Variants in ZFAND1 observed in about 807,000 individuals in gnomAD.
The protein encoded by ZFAND1 is AN1-type zinc finger protein 1.
ZFAND1 carries 40 observed loss-of-function variants against 38.5 expected under a neutral mutation model. The observed-to-expected ratio is 1.04, with a 90% CI of 0.81 to 1.35. The LOEUF (loss-of-function observed/expected upper bound fraction) is 1.35. Ranked by LOEUF, ZFAND1 falls within the 40% of genes most tolerant of loss-of-function variation. The pLI is 0.00. For missense variants in ZFAND1, 346 were observed against 316.3 expected, an observed-to-expected ratio of 1.09 and a Z score of -0.71; for synonymous variants, 117 against 103.6, an observed-to-expected ratio of 1.13 and a Z score of -0.78.
chr8:81,721,192 C>T (rs1250124849), intron 1 of ZFAND1, 35 bp downstream of exon 1: 2 of 1,545,068 alleles, frequency 1.3e-6, no homozygotes, highest in East Asian at 2.4e-5. Flanking sequence ...TGGTCTCCCG[C>T]GGCCGGGGAT....
At chr8:81,718,089 A>T in intron 2 of ZFAND1, 93 bp downstream of exon 2, 10 of 1,021,044 alleles carry the variant, frequency 9.8e-6, no homozygotes, top group Non-Finnish European at 1.4e-5. Context: ...GGCTAAAGTA[A>T]CAATTATTTT....
chr8:81,716,390 TTC>T (rs1808312053), intron 3 of ZFAND1, among the ~76,000 whole-genome samples: 1 of 152,220 alleles, frequency 6.6e-6, no homozygotes, highest in South Asian at 2.1e-4. Flanking sequence ...AACTTCATCA[TTC>T]AACTTATCTT....
chr8:81,717,045 T>C (rs1808336717), intron 3 of ZFAND1, among the ~76,000 whole-genome samples: 1 of 152,114 alleles, frequency 6.6e-6, no homozygotes, highest in African/African-American at 2.4e-5. Context: ...ATTATGAGGA[T>C]AAAAATTTAC....
intron 3 of ZFAND1, 107 bp from the exon 4 acceptor site, chr8:81,715,221 G>C (rs1312989617): frequency 8.7e-7 from 1 of 1,152,562 alleles, no homozygotes; most frequent in African/African-American, 1.5e-5. Flanking sequence ...AAACTTATTA[G>C]AGCAAGTTAC....
intron 6 of ZFAND1, 66 bp downstream of exon 6, chr8:81,713,852 A>C: frequency 6.7e-7 from 1 of 1,493,560 alleles, no homozygotes; most frequent in Non-Finnish European, 9.3e-7. Flanking sequence ...GATGGGAAGG[A>C]GGAATACAAA....
chr8:81,719,411 G>T (rs1227483599), intron 1 of ZFAND1, among the ~76,000 whole-genome samples: 1 of 150,676 alleles, frequency 6.6e-6, no homozygotes, highest in African/African-American at 2.5e-5. Flanking sequence ...AGAGGCTGAG[G>T]CAGGAGAATC....
rs1807834573 is a variant in ZFAND1 at position 81,702,349 on chromosome 8, T to G, written c.*346A>C. 6.2e-6 allele frequency: 1 copy of G among 160,220 alleles called. No homozygotes were observed. The highest frequency in any genetic ancestry group is 1.4e-5 in the Non-Finnish European group (1 of 73,952). The allele number at this position is 160,220 out of a possible 1,614,324, so 9.9% of individuals were successfully genotyped here. A position where few individuals can be genotyped will look rare whatever the true frequency, so the allele number is the denominator to read the frequency against. On this transcript the variant is annotated 3_prime_UTR_variant, in exon 8 of 8. Coordinates refer to ENST00000220669, the MANE Select transcript of ZFAND1 (RefSeq NM_024699.3). ...ATCACAATGTCCCAAAAGAGATCCCTTCCTTTGCCTTTGATCATGGTAAGA... is the reference window on the plus strand; with the variant it reads ...ATCACAATGTCCCAAAAGAGATCCCGTCCTTTGCCTTTGATCATGGTAAGA...
chr8:81,702,693 G>A lies in ZFAND1; in HGVS notation c.*2C>T, dbSNP rs762812128. ...TGATTTCTGACTTGAATCTTTGAAT[G>A]ACTATTCCAAGTAAGATTCAACATT... On this transcript the variant is annotated 3_prime_UTR_variant, in exon 8 of 8. Transcript: ENST00000220669. The A allele has an allele frequency of 1.1e-5, 16 of 1,498,592 alleles. No homozygotes were observed. The South Asian group carries it at 1.9e-4, about 17-fold the overall frequency. The allele number at this position is 1,498,592 out of a possible 1,614,324, so 92.8% of individuals were successfully genotyped here.
At chr8:81,713,315 G>A (rs1214805623) in intron 6 of ZFAND1, among the ~76,000 whole-genome samples, 2 of 152,056 alleles carry the variant, frequency 1.3e-5, no homozygotes, top group African/African-American at 4.8e-5. Context: ...AGTAGAGATG[G>A]GGTTTCACCG....
intron 6 of ZFAND1, among the ~76,000 whole-genome samples, chr8:81,703,848 T>C (rs1807886754): frequency 6.6e-6 from 1 of 152,168 alleles, no homozygotes; most frequent in African/African-American, 2.4e-5. Context: ...ATGAGGTCAA[T>C]GTAGAAAGAG....
At position 81,714,842 on chromosome 8, in the gene ZFAND1, C is replaced by G. The variant is rs749744177; in HGVS notation, c.320G>C (p.Arg107Pro). The change falls in exon 5 of 8, where the codon CGA (arginine) becomes CCA (proline). Residue 107 changes from arginine to proline, a missense_variant. Physicochemically the swap from Arg to Pro is moderately radical, Grantham distance 103. Transcript: ENST00000220669. The stretch of plus-strand genomic sequence containing the variant: ...AACAAGTTTCTGAGTGGCAGCCATT[C>G]GAGGCTTTGGGATTTCCAGTTTTTC... Reference protein sequence around the residue: ...ECEKLEIPKPRMAATQKLVKD... With the variant: ...ECEKLEIPKPPMAATQKLVKD... 1.2e-5 allele frequency: 19 copies of G among 1,613,892 alleles called. No homozygotes were observed. Among genetic ancestry groups the G allele is most frequent in the Non-Finnish European group, 1.6e-5 (19 of 1,179,940 alleles).
intron 1 of ZFAND1, among the ~76,000 whole-genome samples, chr8:81,719,996 C>T (rs1291720640): frequency 6.6e-5 from 10 of 152,116 alleles, no homozygotes; most frequent in Non-Finnish European, 1.2e-4. Flanking sequence ...GTAACAAGAA[C>T]CTAGAAGGGA....
In ZFAND1 at chr8:81,702,591, A is replaced by G. The variant is rs924604816; in HGVS notation, c.*104T>C. 2.7e-5 allele frequency: 28 copies of G among 1,022,356 alleles called. No homozygotes were observed. Among genetic ancestry groups the G allele is most frequent in the Non-Finnish European group, 3.5e-5 (27 of 765,432 alleles). The allele number at this position is 1,022,356 out of a possible 1,614,324, so 63.3% of individuals were successfully genotyped here. On this transcript the variant is annotated 3_prime_UTR_variant, in exon 8 of 8. Transcript: ENST00000220669. Reference sequence around the variant, plus strand: ...GTGACATAAGGGGAAATAAGTTAAAAAGCAACTTTTAAAAATTACAAAAAT... The same window carrying G: ...GTGACATAAGGGGAAATAAGTTAAAGAGCAACTTTTAAAAATTACAAAAAT...
rs574415799 is a variant in ZFAND1 at position 81,703,086 on chromosome 8, C to T, written c.519G>A (p.Gly173=). 9.8e-5 allele frequency: 153 copies of T among 1,561,514 alleles called. 1 individual carries two copies. The South Asian group carries it at 1.7e-3, about 18-fold the overall frequency. The change falls in exon 7 of 8, where the codon GGG becomes GGA. Residue 173 remains glycine, a synonymous_variant. Coordinates refer to ENST00000220669, the MANE Select transcript of ZFAND1 (RefSeq NM_024699.3). Reference sequence around the variant, plus strand: ...ACATTGGTTTGCTCTTCTCTTTGCTCCCTTTAGGTAAGAAAACCTGAAAGT... The same window carrying T: ...ACATTGGTTTGCTCTTCTCTTTGCTTCCTTTAGGTAAGAAAACCTGAAAGT... ...RIYFQVFLPK[G]SKEKSKPMFF...
At chr8:81,702,893 T>C in intron 7 of ZFAND1, 28 bp from the exon 8 acceptor site, 1 of 1,560,082 alleles carries the variant, frequency 6.4e-7, no homozygotes, top group Non-Finnish European at 8.6e-7. Flanking sequence ...AGTCATACTG[T>C]AATAAATAAA....
chr8:81,713,846 G>A, intron 6 of ZFAND1, 72 bp downstream of exon 6: 22 of 1,463,526 alleles, frequency 1.5e-5, no homozygotes, highest in Non-Finnish European at 1.9e-6. Flanking sequence ...TTAATTGATG[G>A]GAAGGAGGAA....
Position 81,702,953 on chromosome 8 carries a change from TATA to T in ZFAND1, c.636+13_636+15del, listed in dbSNP as rs1807856322. The T allele has an allele frequency of 6.7e-7, 1 of 1,493,176 alleles. No individual in the cohort carries two copies. The highest frequency in any genetic ancestry group is 2.4e-5 in the Admixed American group (1 of 42,494). 92.5% of individuals were successfully genotyped at this position (1,493,176 alleles called of 1,614,324 possible). A position where few individuals can be genotyped will look rare whatever the true frequency, so the allele number is the denominator to read the frequency against. On this transcript the variant is annotated intron_variant, in intron 7 of 7. Coordinates refer to ENST00000220669, the MANE Select transcript of ZFAND1 (RefSeq NM_024699.3). The stretch of plus-strand genomic sequence containing the variant: ...ACCTTTATTAATATAGAAATATTAT[TATA>T]ATGAGATGTTACCTTAGCTGTAAAT...
intron 6 of ZFAND1, among the ~76,000 whole-genome samples, chr8:81,704,054 C>T (rs1807893984): frequency 6.6e-6 from 1 of 151,750 alleles, no homozygotes; most frequent in South Asian, 2.1e-4. Flanking sequence ...ATGTGAAAGA[C>T]CTCACTATGT....
At chr8:81,708,443 T>A (rs960302545) in intron 6 of ZFAND1, among the ~76,000 whole-genome samples, 1 of 152,008 alleles carries the variant, frequency 6.6e-6, no homozygotes, top group Non-Finnish European at 1.5e-5. Context: ...AATAATGATT[T>A]TAGATAAAGG....
Sources: gnomAD v4.1 joint callset for allele counts (sites outside exome capture counted in the v4.1 genomes callset) on GRCh38, gnomAD v4.1.1 for gene constraint, MANE v1.5 for transcripts, NCBI Gene and HGNC (gene_info 2026-07-23, HGNC 2026-07-21) for gene names.